RNF168: variants seen among roughly 807,000 people sequenced by gnomAD.
RNF168 encodes the protein E3 ubiquitin-protein ligase RNF168.
RNF168 carries 34 observed loss-of-function variants against 34.9 expected under a neutral mutation model. The observed-to-expected ratio is 0.97, with a 90% CI of 0.74 to 1.30. The LOEUF (loss-of-function observed/expected upper bound fraction) is 1.30. Among genes scored for constraint, RNF168 ranks in the 50% most tolerant of loss-of-function variants. RNF168 has a pLI of 0.00. For synonymous variants in RNF168, 264 were observed against 254.7 expected (o/e 1.04, Z -0.35); for missense variants, 725 against 682.5 (o/e 1.06, Z -0.69).
chr3:196,495,470 T>C (rs1210389830), intron 1 of RNF168, among the ~76,000 whole-genome samples: 2 of 152,232 alleles, frequency 1.3e-5, no homozygotes, highest in Admixed American at 6.5e-5. Context: ...TCAACTAGAA[T>C]GATTCCTAAG....
intron 1 of RNF168, among the ~76,000 whole-genome samples, chr3:196,493,803 T>C (rs1164790093): frequency 1.3e-5 from 2 of 151,924 alleles, no homozygotes; most frequent in African/African-American, 4.8e-5. Flanking sequence ...ATTACAGGTG[T>C]GAGCCACCGT....
Position 196,471,630 on chromosome 3 carries a change from C to T in RNF168, c.*189G>A, listed in dbSNP as rs1346706734. 1.7e-6 allele frequency: 1 copy of T among 590,238 alleles called. No individual in the cohort carries two copies. Among genetic ancestry groups the T allele is most frequent in the South Asian group, 2.0e-5 (1 of 48,856 alleles). 36.6% of individuals were successfully genotyped at this position (590,238 alleles called of 1,614,324 possible). A position where few individuals can be genotyped will look rare whatever the true frequency, so the allele number is the denominator to read the frequency against. On this transcript the variant is annotated 3_prime_UTR_variant, in exon 6 of 6. Transcript: ENST00000318037. The stretch of plus-strand genomic sequence containing the variant: ...ATTAAGAAGGGAAACGACAGGGGAC[C>T]CCTGCTTACCGCTGAGCTGTGCAGA...
At chr3:196,483,719 A>G (rs7643192) in intron 4 of RNF168, 51 bp downstream of exon 4, 918,476 of 1,491,216 alleles carry the variant, frequency 0.62, 290,588 homozygotes, top group African/African-American at 0.74. Context: ...AACAGAAAAC[A>G]CTGGCATACA....
chr3:196,484,049 AT>A (rs1732359240), intron 3 of RNF168, among the ~76,000 whole-genome samples, 158 bp from the exon 4 acceptor site: 1 of 152,216 alleles, frequency 6.6e-6, no homozygotes, highest in African/African-American at 2.4e-5. Context: ...CCATGCAAAA[AT>A]CAGAATAAAC....
At chr3:196,496,789 AG>A (rs1732753269) in intron 1 of RNF168, among the ~76,000 whole-genome samples, 1 of 152,164 alleles carries the variant, frequency 6.6e-6, no homozygotes, top group Non-Finnish European at 1.5e-5. Flanking sequence ...GGACTGCTTG[AG>A]GTGAGCTGTT....
chr3:196,472,086 T>G lies in RNF168; in HGVS notation c.1449A>C (p.Pro483=), dbSNP rs987659319. Residue 483 remains proline, a synonymous_variant, in exon 6 of 6, where the codon CCA becomes CCC. Transcript: ENST00000318037. ...TCCTCTGTCCATTTAGCACTTTGTC[T>G]GGAGGGGAGGATGTAGCGCGTAAGT... is the stretch of plus-strand genomic sequence containing the variant. The part of the protein sequence containing the change: ...EYHLRATSSP[P]DKVLNGQRKN... The G allele has an allele frequency of 6.2e-7, 1 of 1,613,554 alleles. No individual in the cohort carries two copies. Among genetic ancestry groups the G allele is most frequent in the African/African-American group, 1.3e-5 (1 of 75,032 alleles).
intron 1 of RNF168, among the ~76,000 whole-genome samples, chr3:196,498,533 A>AC (rs1183848210): frequency 6.6e-6 from 1 of 152,212 alleles, no homozygotes; most frequent in Non-Finnish European, 1.5e-5. Flanking sequence ...ATAAGGCCAC[A>AC]CATACACACA....
intron 5 of RNF168, among the ~76,000 whole-genome samples, chr3:196,473,172 A>C (rs900578561): frequency 1.3e-5 from 2 of 152,222 alleles, no homozygotes; most frequent in Non-Finnish European, 2.9e-5. Flanking sequence ...TGGTATCAGG[A>C]CCTGACCTTC....
intron 1 of RNF168, among the ~76,000 whole-genome samples, chr3:196,502,491 G>A (rs534360442): frequency 3.9e-4 from 60 of 152,082 alleles, no homozygotes; most frequent in Admixed American, 2.8e-3. Context: ...GGGAGGCTGA[G>A]GCAGGAGAAT....
rs140389440 is a variant in RNF168 at position 196,482,004 on chromosome 3, T to C, written c.680+1766A>G. Among the ~76,000 whole-genome samples, 157 of 149,092 alleles carry C rather than the reference T, an allele frequency of 1.1e-3. 1 individual carries two copies. The East Asian group carries it at 0.026, about 25-fold the overall frequency. ...TTTTAGAGACAGGATCTTGCTATGC[T>C]GTCCAAGCTGGTCCCAAACTCAAAC... On this transcript the variant is annotated intron_variant, in intron 4 of 5. Transcript: ENST00000318037.
intron 1 of RNF168, among the ~76,000 whole-genome samples, chr3:196,489,251 A>G (rs906636845): frequency 7.2e-5 from 11 of 152,210 alleles, no homozygotes; most frequent in African/African-American, 1.2e-4. Context: ...CTCCATTAAA[A>G]TAACAGTAAA....
chr3:196,483,946 A>T, intron 3 of RNF168, 55 bp from the exon 4 acceptor site: 1 of 1,321,290 alleles, frequency 7.6e-7, no homozygotes. Flanking sequence ...TTATGATAAA[A>T]TAAGCTATTA....
At chr3:196,492,805 A>T (rs529594821) in intron 1 of RNF168, among the ~76,000 whole-genome samples, 92 of 147,510 alleles carry the variant, frequency 6.2e-4, no homozygotes, top group African/African-American at 1.7e-3. Flanking sequence ...AATAAATAAA[A>T]TAAATAAATA....
Position 196,492,831 on chromosome 3 carries a change from G to A in RNF168, c.302-4148C>T, listed in dbSNP as rs146258790. ...TAAATAAATAGCCCCAAATTGCTCTGGAAAATAAGCATATGATTAGTGAAA... is the reference window on the plus strand; with the variant it reads ...TAAATAAATAGCCCCAAATTGCTCTAGAAAATAAGCATATGATTAGTGAAA... On this transcript the variant is annotated intron_variant, in intron 1 of 5. Transcript: ENST00000318037. Among the ~76,000 whole-genome samples the A allele has an allele frequency of 1.3e-3, 199 of 152,016 alleles. 2 individuals are homozygous for A. Among genetic ancestry groups the A allele is most frequent in the Non-Finnish European group, 2.3e-3 (155 of 67,990 alleles).
rs777278258 is a variant in RNF168, at chr3:196,472,269, TTC to T, written c.1264_1265del (p.Glu422AsnfsTer16). On this transcript the variant is annotated frameshift_variant, in exon 6 of 6. Coordinates refer to ENST00000318037, the MANE Select transcript of RNF168 (RefSeq NM_152617.4). LOFTEE classifies it low-confidence loss of function (END_TRUNC). ...PESSPDQEET[E>X]INFTQKLIDL... ...CTATCAGTTTTTGGGTAAAGTTTAT[TTC>T]TGTTTCCTCTTGATCTGGGGAAGAT... 13 of 1,614,148 alleles carry T rather than the reference TTC, an allele frequency of 8.1e-6. No individual in the cohort carries two copies. Among genetic ancestry groups the T allele is most frequent in the South Asian group, 6.6e-5 (6 of 91,082 alleles).
In RNF168 at chr3:196,483,751, C is replaced by A; in HGVS notation, c.680+19G>T. 1 of 1,604,286 alleles carries A rather than the reference C, an allele frequency of 6.2e-7. No homozygotes were observed. Among genetic ancestry groups the A allele is most frequent in the South Asian group, 1.1e-5 (1 of 90,854 alleles). ...TACAGTAGGAGGTCAACAAATAATT[C>A]ATAGTCATGTTCACTTACTTCTGAA... On this transcript the variant is annotated intron_variant, in intron 4 of 5. Transcript: ENST00000318037.
intron 1 of RNF168, among the ~76,000 whole-genome samples, chr3:196,494,401 CT>C (rs1732686646): frequency 1.3e-5 from 2 of 152,136 alleles, no homozygotes; most frequent in South Asian, 4.1e-4. Flanking sequence ...TGTCCCCATG[CT>C]TTTTATTTTA....
chr3:196,476,327 A>T (rs1732148666), intron 4 of RNF168, among the ~76,000 whole-genome samples: 1 of 152,116 alleles, frequency 6.6e-6, no homozygotes, highest in African/African-American at 2.4e-5. Context: ...CGACATTTTA[A>T]ATCTCTACTA....
intron 1 of RNF168, among the ~76,000 whole-genome samples, chr3:196,500,567 G>C (rs1732855009): frequency 6.6e-6 from 1 of 152,180 alleles, no homozygotes; most frequent in African/African-American, 2.4e-5. Flanking sequence ...AAGTTCTGGA[G>C]ATGGACGGTG....
Sources: allele counts gnomAD v4.1 joint callset (sites outside exome capture counted in the v4.1 genomes callset), GRCh38; gene constraint gnomAD v4.1.1; transcripts MANE v1.5; gene names NCBI Gene and HGNC (gene_info 2026-07-23, HGNC 2026-07-21).